PTPRD: variants seen among roughly 807,000 people sequenced by gnomAD.
PTPRD encodes protein tyrosine phosphatase receptor type D, also known as receptor-type tyrosine-protein phosphatase delta.
In PTPRD, 34 loss-of-function variants were observed where a neutral mutation model predicts 214.5. That is an observed-to-expected ratio of 0.16 (90% CI 0.12 to 0.21). The LOEUF (loss-of-function observed/expected upper bound fraction) is 0.21. Among genes scored for constraint, PTPRD ranks in the 10% least tolerant of loss-of-function variants. The pLI, the probability that PTPRD is intolerant of heterozygous loss-of-function variation, is 1.00. For synonymous variants in PTPRD, 1,128 were observed against 845.7 expected, an observed-to-expected ratio of 1.33 and a Z score of -5.79; for missense variants, 2,545 against 2,398.7, an observed-to-expected ratio of 1.06 and a Z score of -1.27.
intron 39 of PTPRD, among the ~76,000 whole-genome samples, chr9:8,350,005 C>T (rs1404538652): frequency 6.6e-6 from 1 of 151,306 alleles, no homozygotes; most frequent in Non-Finnish European, 1.5e-5. Context: ...ACTATGCAAT[C>T]CATTAAACAA....
chr9:8,520,484 T>C (rs546943913), intron 20 of PTPRD, among the ~76,000 whole-genome samples: 20 of 152,266 alleles, frequency 1.3e-4, no homozygotes, highest in Non-Finnish European at 1.9e-4. Context: ...CCTACAACAT[T>C]GCCTAGGAAA....
chr9:8,448,395 T>C (rs2095818257), intron 34 of PTPRD, among the ~76,000 whole-genome samples: 1 of 152,100 alleles, frequency 6.6e-6, no homozygotes, highest in Non-Finnish European at 1.5e-5. Flanking sequence ...AAGTAGTTAG[T>C]ATCCACCTAT....
intron 9 of PTPRD, among the ~76,000 whole-genome samples, chr9:9,196,758 T>C (rs1286242810): frequency 6.6e-6 from 1 of 152,186 alleles, no homozygotes; most frequent in Non-Finnish European, 1.5e-5. Flanking sequence ...TTTGGTCTTT[T>C]CCTTACCATA....
chr9:10,201,202 T>C (rs1419230898), intron 3 of PTPRD, among the ~76,000 whole-genome samples: 1 of 151,980 alleles, frequency 6.6e-6, no homozygotes, highest in Non-Finnish European at 1.5e-5. Context: ...CATTTCAACA[T>C]GGAACATTTT....
At chr9:8,375,458 T>A (rs2082950227) in intron 39 of PTPRD, among the ~76,000 whole-genome samples, 1 of 152,068 alleles carries the variant, frequency 6.6e-6, no homozygotes, top group African/African-American at 2.4e-5. Context: ...GACTTGATAT[T>A]ACTAATGTAC....
chr9:8,638,343 T>G (rs2096492992), intron 12 of PTPRD, among the ~76,000 whole-genome samples: 1 of 152,150 alleles, frequency 6.6e-6, no homozygotes, highest in Admixed American at 6.5e-5. Context: ...CCCATTAACT[T>G]GATGGTGTGT....
At chr9:10,499,193 C>A (rs957269916) in intron 2 of PTPRD, among the ~76,000 whole-genome samples, 4 of 151,900 alleles carry the variant, frequency 2.6e-5, no homozygotes, top group Non-Finnish European at 4.4e-5. Flanking sequence ...CTAGATTTAT[C>A]CTTCTGTACA....
At chr9:10,413,431 T>G (rs2098457158) in intron 2 of PTPRD, among the ~76,000 whole-genome samples, 1 of 151,834 alleles carries the variant, frequency 6.6e-6, no homozygotes, top group Non-Finnish European at 1.5e-5. Flanking sequence ...TGATAAGAAC[T>G]ACAAAATATT....
At chr9:9,463,501 A>C (rs1367722458) in intron 8 of PTPRD, among the ~76,000 whole-genome samples, 2 of 152,124 alleles carry the variant, frequency 1.3e-5, no homozygotes, top group South Asian at 4.1e-4. Flanking sequence ...CAGGCAAAGG[A>C]GACCAAAATA....
At chr9:10,485,949 G>C (rs984927689) in intron 2 of PTPRD, among the ~76,000 whole-genome samples, 1 of 151,728 alleles carries the variant, frequency 6.6e-6, no homozygotes. Context: ...GTAATGTTGA[G>C]CTTCTTTCAT....
At chr9:9,622,884 C>G (rs2095293664) in intron 7 of PTPRD, among the ~76,000 whole-genome samples, 1 of 152,132 alleles carries the variant, frequency 6.6e-6, no homozygotes, top group Admixed American at 6.6e-5. Context: ...ATTCTAAAAT[C>G]TCAGGTAGAA....
In PTPRD at chr9:8,331,754, C is replaced by G. The variant is rs2131660519; in HGVS notation, c.5380-18G>C. On this transcript the variant is annotated intron_variant, in intron 43 of 45. Transcript: ENST00000381196. ...TGGCCGTCCTTTAGAAGGAAAGCCA[C>G]ATACCCGGCCGCAAAGGAAGACGCC... is the stretch of plus-strand genomic sequence containing the variant. The G allele has an allele frequency of 6.4e-7, 1 of 1,556,624 alleles. No homozygotes were observed. The highest frequency in any genetic ancestry group is 1.4e-5 in the African/African-American group (1 of 72,788).
At chr9:10,127,427 A>C (rs2098828180) in intron 3 of PTPRD, among the ~76,000 whole-genome samples, 1 of 152,182 alleles carries the variant, frequency 6.6e-6, no homozygotes, top group South Asian at 2.1e-4. Context: ...ACTTATATTC[A>C]ACATCTTAGG....
chr9:9,861,911 T>C (rs980611212), intron 5 of PTPRD, among the ~76,000 whole-genome samples: 1 of 152,152 alleles, frequency 6.6e-6, no homozygotes, highest in Non-Finnish European at 1.5e-5. Context: ...AATAGCAGCA[T>C]ATGCTCTGGT....
intron 10 of PTPRD, among the ~76,000 whole-genome samples, chr9:9,142,657 G>T (rs1052617121): frequency 6.6e-6 from 1 of 152,284 alleles, no homozygotes; most frequent in East Asian, 1.9e-4. Context: ...ATATAAAAAG[G>T]AACTGCTACA....
In PTPRD at chr9:9,799,256, GTTAAAC is replaced by G. The variant is rs535988204; in HGVS notation, c.-367-32411_-367-32406del. On this transcript the variant is annotated intron_variant, in intron 5 of 45. Transcript: ENST00000381196. ...TGAGATAATATGTTTTGGAAGGAGA[GTTAAAC>G]TTAAAAATTAAAGATCTTACAGAGA... 1.2e-3 allele frequency among the ~76,000 whole-genome samples: 185 copies of G among 152,204 alleles called. 1 individual carries two copies. The highest frequency in any genetic ancestry group is 4.2e-3 in the African/African-American group (173 of 41,528).
intron 3 of PTPRD, among the ~76,000 whole-genome samples, chr9:10,157,825 T>G (rs2154285256): frequency 6.6e-6 from 1 of 152,216 alleles, no homozygotes; most frequent in East Asian, 1.9e-4. Context: ...TTTCATTAGT[T>G]TTATTTATTA....
intron 3 of PTPRD, among the ~76,000 whole-genome samples, chr9:10,074,102 G>T (rs2098087213): frequency 6.6e-6 from 1 of 152,076 alleles, no homozygotes; most frequent in Admixed American, 6.6e-5. Context: ...AGGTATTTCA[G>T]ATACCCACCA....
chr9:9,273,150 A>T (rs1046170203), intron 9 of PTPRD, among the ~76,000 whole-genome samples: 1 of 151,322 alleles, frequency 6.6e-6, no homozygotes, highest in Non-Finnish European at 1.5e-5. Flanking sequence ...GACCATGCTT[A>T]TTTAAGAATA....
Sources: allele counts gnomAD v4.1 joint callset (sites outside exome capture counted in the v4.1 genomes callset), GRCh38; gene constraint gnomAD v4.1.1; transcripts MANE v1.5; gene names NCBI Gene and HGNC (gene_info 2026-07-23, HGNC 2026-07-21).